GRIK2: variants seen among roughly 807,000 people sequenced by gnomAD.
GRIK2 encodes the protein glutamate ionotropic receptor kainate type subunit 2.
GRIK2 carries 32 observed loss-of-function variants against 100.3 expected under a neutral mutation model. That is an observed-to-expected ratio of 0.32 (90% confidence interval 0.24 to 0.43). The LOEUF is 0.43. Among genes scored for constraint, GRIK2 ranks in the 20% least tolerant of loss-of-function variants. The probability of loss-of-function intolerance (pLI) is 1.00; values close to 1 mark genes in which losing one functional copy is unlikely to be tolerated. For synonymous variants in GRIK2, 417 were observed against 389.4 expected, an observed-to-expected ratio of 1.07 and a Z score of -0.83; for missense variants, 843 against 1,114.9, an observed-to-expected ratio of 0.76 and a Z score of 3.47.
chr6:101,910,198 A>T (rs1275062247), intron 12 of GRIK2, among the ~76,000 whole-genome samples: 2 of 151,228 alleles, frequency 1.3e-5, no homozygotes, highest in Non-Finnish European at 3.0e-5. Context: ...AATCAAATGC[A>T]TAAACATGCT....
At chr6:101,400,575 A>C (rs1189679514) in intron 2 of GRIK2, among the ~76,000 whole-genome samples, 1 of 152,212 alleles carries the variant, frequency 6.6e-6, no homozygotes, top group Non-Finnish European at 1.5e-5. Context: ...AAAAGCAGAC[A>C]CATTAAGTCA....
intron 12 of GRIK2, among the ~76,000 whole-genome samples, chr6:101,921,084 C>A (rs1789461471): frequency 6.6e-6 from 1 of 151,950 alleles, no homozygotes; most frequent in Non-Finnish European, 1.5e-5. Flanking sequence ...AAAAGACATT[C>A]TAGAAGTTTA....
At chr6:101,663,362 G>A (rs1182326697) in intron 4 of GRIK2, among the ~76,000 whole-genome samples, 2 of 152,056 alleles carry the variant, frequency 1.3e-5, no homozygotes, top group Non-Finnish European at 2.9e-5. Context: ...CAGTGAGAGC[G>A]ACAGTAAGAC....
At chr6:101,981,334 A>G (rs1793703273) in intron 14 of GRIK2, among the ~76,000 whole-genome samples, 1 of 151,878 alleles carries the variant, frequency 6.6e-6, no homozygotes, top group Non-Finnish European at 1.5e-5. Context: ...GCAGTTTTAC[A>G]TTTTAGATGC....
intron 14 of GRIK2, among the ~76,000 whole-genome samples, chr6:101,967,363 A>C (rs1045437080): frequency 6.6e-6 from 1 of 152,118 alleles, no homozygotes; most frequent in African/African-American, 2.4e-5. Context: ...GGAATTTTTT[A>C]GAGGTTATCA....
At chr6:101,876,379 G>T (rs891403120) in intron 11 of GRIK2, among the ~76,000 whole-genome samples, 1 of 151,616 alleles carries the variant, frequency 6.6e-6, no homozygotes, top group Non-Finnish European at 1.5e-5. Context: ...AATTGTGATA[G>T]ATTCCTTTCT....
intron 2 of GRIK2, among the ~76,000 whole-genome samples, chr6:101,607,138 T>A (rs1388057592): frequency 6.6e-6 from 1 of 151,966 alleles, no homozygotes; most frequent in Non-Finnish European, 1.5e-5. Context: ...TTGGCTCTTA[T>A]GTGTCTATTG....
chr6:101,905,703 A>G (rs1188269536), intron 12 of GRIK2, among the ~76,000 whole-genome samples: 1 of 151,344 alleles, frequency 6.6e-6, no homozygotes, highest in African/African-American at 2.4e-5. Flanking sequence ...CTACCTACCT[A>G]TTTCTATTCA....
chr6:101,783,418 CTG>C (rs1218877573), intron 7 of GRIK2, among the ~76,000 whole-genome samples: 1 of 152,150 alleles, frequency 6.6e-6, no homozygotes, highest in East Asian at 1.9e-4. Context: ...TCATGCGGAA[CTG>C]TGAGTCAATT....
chr6:101,707,628 G>GTGAT (rs1773430419), intron 7 of GRIK2, among the ~76,000 whole-genome samples: 1 of 124,664 alleles, frequency 8.0e-6, no homozygotes, highest in Admixed American at 8.0e-5. Flanking sequence ...ATATATATAT[G>GTGAT]AATTGTGATA....
chr6:101,949,105 G>C (rs1183641255), intron 14 of GRIK2, among the ~76,000 whole-genome samples: 1 of 151,902 alleles, frequency 6.6e-6, no homozygotes, highest in Non-Finnish European at 1.5e-5. Flanking sequence ...TAAAAATAAT[G>C]TATATGTTCT....
chr6:101,524,409 T>C (rs1386130132), intron 2 of GRIK2, among the ~76,000 whole-genome samples: 1 of 151,706 alleles, frequency 6.6e-6, no homozygotes, highest in East Asian at 1.9e-4. Context: ...TATATATCAA[T>C]CACAGATATA....
At chr6:102,004,086 A>G (rs1362521869) in intron 14 of GRIK2, among the ~76,000 whole-genome samples, 1 of 150,642 alleles carries the variant, frequency 6.6e-6, no homozygotes, top group Admixed American at 6.7e-5. Flanking sequence ...TTTATCATCT[A>G]GTATCACCAA....
intron 11 of GRIK2, among the ~76,000 whole-genome samples, chr6:101,876,484 A>AACAGACACACAC (rs368176541): frequency 1.5e-3 from 227 of 148,908 alleles, no homozygotes; most frequent in African/African-American, 4.9e-3. Context: ...AACAAAAACA[A>AACAGACACACAC]ACACACACAC....
intron 14 of GRIK2, among the ~76,000 whole-genome samples, chr6:102,002,306 A>G (rs9404168): frequency 4.7e-5 from 7 of 147,596 alleles, no homozygotes; most frequent in East Asian, 3.9e-4. Flanking sequence ...GTGTGTGTGT[A>G]TATATATACA....
chr6:101,530,089 A>T (rs1002216848), intron 2 of GRIK2, among the ~76,000 whole-genome samples: 4 of 152,060 alleles, frequency 2.6e-5, no homozygotes, highest in African/African-American at 9.7e-5. Flanking sequence ...CTGACTACAT[A>T]TTGAGTCTAT....
intron 2 of GRIK2, among the ~76,000 whole-genome samples, chr6:101,599,015 G>A (rs1779063870): frequency 6.6e-6 from 1 of 151,600 alleles, no homozygotes; most frequent in Admixed American, 6.6e-5. Context: ...TCATCACCCA[G>A]GTAGTCAGCA....
At position 101,936,221 on chromosome 6, in the gene GRIK2, G is replaced by C. The variant is rs9322621; in HGVS notation, c.2085+7589G>C. Among the ~76,000 whole-genome samples, 50 of 152,024 alleles carry C rather than the reference G, an allele frequency of 3.3e-4. No homozygotes were observed. The East Asian group carries it at 8.5e-3, about 26-fold the overall frequency. ...TTGCTGTGTTCTTCATTGTCCATCAGACATTTTTTTCTAGAAGTCTGGAAG... is the reference window on the plus strand; with the variant it reads ...TTGCTGTGTTCTTCATTGTCCATCACACATTTTTTTCTAGAAGTCTGGAAG... On this transcript the variant is annotated intron_variant, in intron 14 of 16. Coordinates refer to ENST00000369134, the MANE Select transcript of GRIK2 (RefSeq NM_021956.5).
intron 2 of GRIK2, among the ~76,000 whole-genome samples, chr6:101,415,668 C>A (rs1199486698): frequency 6.6e-6 from 1 of 151,724 alleles, no homozygotes; most frequent in African/African-American, 2.4e-5. Context: ...CCGCGCCCGG[C>A]CGTATTTTTC....
Sources: allele counts gnomAD v4.1 joint callset (sites outside exome capture counted in the v4.1 genomes callset), GRCh38; gene constraint gnomAD v4.1.1; transcripts MANE v1.5; gene names NCBI Gene and HGNC (gene_info 2026-07-23, HGNC 2026-07-21).